Variants in SON observed in about 807,000 individuals in gnomAD.
SON encodes protein SON.
In SON, 4 loss-of-function variants were observed where a neutral mutation model predicts 173.3. The observed-to-expected ratio is 0.02, with a 90% CI of 0.01 to 0.05. The LOEUF is 0.05. SON is among the 10% of genes least tolerant of loss of function. SON has a pLI of 1.00. For missense variants in SON, 2,626 were observed against 3,055.3 expected, an observed-to-expected ratio of 0.86 and a Z score of 3.31; for synonymous variants, 1,190 against 1,105.9, an observed-to-expected ratio of 1.08 and a Z score of -1.51.
intron 11 of SON, 89 bp from the exon 12 acceptor site, chr21:33,576,276 A>G (rs1380521104): frequency 2.0e-5 from 15 of 754,954 alleles, no homozygotes; most frequent in Non-Finnish European, 3.3e-5. Context: ...TATTTTTGTA[A>G]ATTATTTTTC....
chr21:33,564,949 G>T (rs2086140025), intron 6 of SON, among the ~76,000 whole-genome samples: 1 of 151,588 alleles, frequency 6.6e-6, no homozygotes, highest in Non-Finnish European at 1.5e-5. Flanking sequence ...CCCTTGGTAA[G>T]TCTGTTGAAG....
At chr21:33,563,588 A>AT (rs2086109922) in intron 6 of SON, among the ~76,000 whole-genome samples, 1 of 152,156 alleles carries the variant, frequency 6.6e-6, no homozygotes, top group Non-Finnish European at 1.5e-5. Flanking sequence ...GACTCACCCC[A>AT]TCCTAACAAT....
At chr21:33,567,345 A>T in intron 7 of SON, 78 bp downstream of exon 7, 1 of 815,078 alleles carries the variant, frequency 1.2e-6, no homozygotes. Flanking sequence ...TAATGTCTAA[A>T]TAAGAATTTT....
At position 33,558,959 on chromosome 21, in the gene SON, CTTTTTTTTT is replaced by C. The variant is rs71194851; in HGVS notation, c.6322-256_6322-248del. 988 of 118,864 alleles carry C rather than the reference CTTTTTTTTT, an allele frequency of 8.3e-3. 8 individuals carry two copies. Among genetic ancestry groups the C allele is most frequent in the Non-Finnish European group, 0.011 (654 of 60,450 alleles). The allele number at this position is 118,864 out of a possible 1,614,324, so 7.4% of individuals were successfully genotyped here. A position where few individuals can be genotyped will look rare whatever the true frequency, so the allele number is the denominator to read the frequency against. On this transcript the variant is annotated intron_variant, in intron 4 of 11. Coordinates refer to ENST00000356577, the MANE Select transcript of SON (RefSeq NM_138927.4). ...TTGAGAGCAGGGACCATGTCTTCTA[CTTTTTTTTT>C]TTTTTTTTTTTTTTGTATTCCCCAG... is the stretch of plus-strand genomic sequence containing the variant.
chr21:33,573,555 G>A (rs773122217), intron 9 of SON, 100 bp downstream of exon 9: 1 of 1,023,898 alleles, frequency 9.8e-7, no homozygotes, highest in Non-Finnish European at 1.4e-6. Flanking sequence ...GGCACTTCTT[G>A]TATATATACA....
At chr21:33,563,350 C>G (rs1332857871) in intron 6 of SON, among the ~76,000 whole-genome samples, 1 of 137,508 alleles carries the variant, frequency 7.3e-6, no homozygotes, top group Non-Finnish European at 1.7e-5. Flanking sequence ...CTGGGACATT[C>G]TGTGGCTTTT....
At chr21:33,568,089 A>G (rs1355428081) in intron 7 of SON, among the ~76,000 whole-genome samples, 1 of 152,246 alleles carries the variant, frequency 6.6e-6, no homozygotes, top group Non-Finnish European at 1.5e-5. Context: ...GACAGGAAAT[A>G]CATTGCTGAC....
At chr21:33,570,725 A>G (rs915080118) in intron 8 of SON, among the ~76,000 whole-genome samples, 1 of 152,174 alleles carries the variant, frequency 6.6e-6, no homozygotes, top group African/African-American at 2.4e-5. Context: ...TCTTGAAGCT[A>G]AGTACTCAGC....
At chr21:33,568,840 A>C (rs1015560286) in intron 7 of SON, 131 bp from the exon 8 acceptor site, 1 of 587,082 alleles carries the variant, frequency 1.7e-6, no homozygotes, top group African/African-American at 1.9e-5. Flanking sequence ...TTAGGCAAAC[A>C]TTTAATGTTA....
chr21:33,544,777 C>T (rs764022089), intron 1 of SON, among the ~76,000 whole-genome samples: 8 of 152,190 alleles, frequency 5.3e-5, no homozygotes, highest in Non-Finnish European at 1.2e-4. Flanking sequence ...GAAATCATTA[C>T]TTCCTTGTAG....
intron 6 of SON, among the ~76,000 whole-genome samples, chr21:33,562,376 TTATC>T (rs1292601387): frequency 2.0e-5 from 3 of 152,216 alleles, no homozygotes; most frequent in East Asian, 1.9e-4. Flanking sequence ...ATAGTAATTT[TTATC>T]TATGCCTTTT....
intron 8 of SON, chr21:33,572,181 T>TATATA (rs1569069155): frequency 3.0e-4 from 43 of 142,710 alleles, no homozygotes; most frequent in African/African-American, 1.1e-3. Context: ...TATTATATAT[T>TATATA]TATATATATA....
Position 33,551,291 on chromosome 21 carries a change from T to G in SON, c.2060T>G (p.Val687Gly). 1 of 1,614,128 alleles carries G rather than the reference T, an allele frequency of 6.2e-7. No individual in the cohort carries two copies. Among genetic ancestry groups the G allele is most frequent in the Non-Finnish European group, 8.5e-7 (1 of 1,179,988 alleles). Residue 687 changes from valine to glycine, a missense_variant, in exon 3 of 12, where the codon GTA becomes GGA. By Grantham distance (109) the Val-to-Gly change is moderately radical. Transcript: ENST00000356577. ...STTALESYNT[V>G]AQELPTTLVG... ...ACAGCGCTGGAATCCTATAATACGG[T>G]AGCACAGGAGCTGCCTACTACATTA...
rs763163361 is a variant in SON, at chr21:33,550,541, A to C, written c.1310A>C (p.Glu437Ala). Residue 437 changes from glutamate (E) to alanine (A), a missense_variant, in exon 3 of 12, where the codon GAG becomes GCG. Transcript: ENST00000356577. ...GGGCCCCCTGCGACAGCAGTGCCTG[A>C]GTTGCCAGGGCCCTCTGTGACACCA... ...LPGPPATAVP[E>A]LPGPSVTPVP... 2 of 1,613,708 alleles carry C rather than the reference A, an allele frequency of 1.2e-6. No individual in the cohort carries two copies. The highest frequency in any genetic ancestry group is 1.7e-6 in the Non-Finnish European group (2 of 1,179,894).
chr21:33,544,701 A>T (rs1479383142), intron 1 of SON, among the ~76,000 whole-genome samples: 1 of 152,182 alleles, frequency 6.6e-6, no homozygotes. Context: ...ACTGTTGCAT[A>T]TTTAGGTGGT....
intron 1 of SON, among the ~76,000 whole-genome samples, chr21:33,544,354 G>A (rs1323159190): frequency 6.6e-6 from 1 of 152,224 alleles, no homozygotes; most frequent in African/African-American, 2.4e-5. Flanking sequence ...CCCGAGCTAA[G>A]AGAATATAAT....
intron 2 of SON, among the ~76,000 whole-genome samples, chr21:33,548,337 T>C (rs909756321): frequency 1.3e-5 from 2 of 152,234 alleles, no homozygotes; most frequent in South Asian, 2.1e-4. Context: ...TCTTAAGTTA[T>C]AAGGACTAAG....
In SON at chr21:33,550,006, T is replaced by C. The variant is rs1424929678; in HGVS notation, c.775T>C (p.Ser259Pro). 6.2e-7 allele frequency: 1 copy of C among 1,614,160 alleles called. No homozygotes were observed. Among genetic ancestry groups the C allele is most frequent in the Admixed American group, 1.7e-5 (1 of 60,026 alleles). Residue 259 changes from serine (S) to proline (P), a missense_variant, in exon 3 of 12, where the codon TCA (serine) becomes CCA (proline). By Grantham distance (74) the Ser-to-Pro change is moderately conservative. This residue lies in a region of SON where 757 missense variants were observed against 730.1 expected (regional missense o/e 1.04). Coordinates refer to ENST00000356577, the MANE Select transcript of SON (RefSeq NM_138927.4). ...PVPTTTLVLK[S>P]SEPVVTMSVE... ...GCCTACTACAACACTGGTGTTGAAG[T>C]CATCTGAGCCAGTTGTAACAATGTC...
At chr21:33,568,360 C>T (rs7276653) in intron 7 of SON, among the ~76,000 whole-genome samples, 10,872 of 152,034 alleles carry the variant, frequency 0.072, 1,315 homozygotes, top group African/African-American at 0.25. Context: ...GGCGCGGTGG[C>T]GCATGTTTGT....
Sources: gnomAD v4.1 joint callset for allele counts (sites outside exome capture counted in the v4.1 genomes callset) on GRCh38, gnomAD v4.1.1 for gene constraint, gnomAD v4.1.1 regional missense constraint, MANE v1.5 for transcripts, NCBI Gene and HGNC (gene_info 2026-07-23, HGNC 2026-07-21) for gene names.